Variants in PTER observed in about 807,000 individuals in gnomAD.
The protein encoded by PTER is phosphotriesterase related.
Under a neutral mutation model 29.6 loss-of-function variants are expected in PTER, and 38 were observed. The ratio of observed to expected loss-of-function variants is 1.28; its 90% CI spans 0.99 to 1.68. PTER has a LOEUF of 1.68. Among genes scored for constraint, PTER ranks in the 40% most tolerant of loss-of-function variants. PTER has a pLI of 0.00. For missense variants in PTER, 482 were observed against 427.8 expected, an observed-to-expected ratio of 1.13 and a Z score of -1.12; for synonymous variants, 172 against 154.5, an observed-to-expected ratio of 1.11 and a Z score of -0.84.
chr10:16,485,326 C>T lies in PTER; in HGVS notation c.432+510C>T, dbSNP rs867432237. 9.9e-5 allele frequency among the ~76,000 whole-genome samples: 15 copies of T among 152,180 alleles called. No individual in the cohort carries two copies. The South Asian group carries it at 1.0e-3, about 10-fold the overall frequency. Reference sequence around the variant, plus strand: ...AAAACAGGAGAGGTGGAAGAAAATTCATTCCCCTGTGTTTTGTCATAATAT... The same window carrying T: ...AAAACAGGAGAGGTGGAAGAAAATTTATTCCCCTGTGTTTTGTCATAATAT... On this transcript the variant is annotated intron_variant, in intron 2 of 4. Coordinates refer to ENST00000535784, the MANE Select transcript of PTER (RefSeq NM_001261836.2).
At chr10:16,449,064 G>A (rs1834111240) in intron 1 of PTER, among the ~76,000 whole-genome samples, 2 of 152,326 alleles carry the variant, frequency 1.3e-5, no homozygotes, top group South Asian at 2.1e-4. Flanking sequence ...GTTGAACAGG[G>A]ATGTGGTGGG....
chr10:16,453,650 A>C (rs187957316), intron 1 of PTER, among the ~76,000 whole-genome samples: 2 of 152,336 alleles, frequency 1.3e-5, no homozygotes, highest in Admixed American at 6.5e-5. Flanking sequence ...TAGTAAAGTA[A>C]ATACTGGAAT....
intron 1 of PTER, among the ~76,000 whole-genome samples, chr10:16,442,845 G>A (rs192850782): frequency 4.7e-4 from 71 of 152,170 alleles, no homozygotes; most frequent in African/African-American, 1.6e-3. Context: ...CCAGGCATAC[G>A]TCTGTAAGTC....
chr10:16,506,932 T>A (rs1354250495), intron 4 of PTER, among the ~76,000 whole-genome samples: 1 of 151,872 alleles, frequency 6.6e-6, no homozygotes, highest in African/African-American at 2.4e-5. Context: ...ATGCACACGA[T>A]TTGGTGATTA....
intron 2 of PTER, 124 bp from the exon 3 acceptor site, chr10:16,486,228 A>G (rs1835688206): frequency 2.6e-6 from 3 of 1,148,590 alleles, no homozygotes; most frequent in Non-Finnish European, 3.6e-6. Context: ...ATTAATTGAT[A>G]AATACTGAAT....
chr10:16,458,515 C>G (rs565105850), intron 1 of PTER, among the ~76,000 whole-genome samples: 3 of 152,178 alleles, frequency 2.0e-5, no homozygotes, highest in African/African-American at 7.2e-5. Context: ...CTTAGATGCA[C>G]ATTCATGATG....
intron 1 of PTER, among the ~76,000 whole-genome samples, chr10:16,479,006 G>T (rs1835381273): frequency 6.6e-6 from 1 of 151,862 alleles, no homozygotes; most frequent in South Asian, 2.1e-4. Flanking sequence ...CACTTCCTGG[G>T]TTCGTCACTG....
In PTER at chr10:16,486,531, G is replaced by A. The variant is rs750239888; in HGVS notation, c.612G>A (p.Arg204=). ...GTCCTGTTATTATCCATCCTGGACGGAGCTCCAGGGCACCATTTCAGATTA... is the reference window on the plus strand; with the variant it reads ...GTCCTGTTATTATCCATCCTGGACGAAGCTCCAGGGCACCATTTCAGATTA... ...LGCPVIIHPG[R]SSRAPFQIIR... is the part of the protein sequence containing the mutation. Residue 204 remains arginine, a synonymous_variant, in exon 3 of 5, where the codon CGG becomes CGA. Transcript: ENST00000535784. 3 of 1,613,872 alleles carry A rather than the reference G, an allele frequency of 1.9e-6. No homozygotes were observed. Among genetic ancestry groups the A allele is most frequent in the East Asian group, 2.2e-5 (1 of 44,870 alleles).
intron 3 of PTER, among the ~76,000 whole-genome samples, chr10:16,494,387 C>A (rs1226494381): frequency 6.6e-6 from 1 of 152,090 alleles, no homozygotes; most frequent in African/African-American, 2.4e-5. Flanking sequence ...CTTATGATGT[C>A]ATTAAACATT....
chr10:16,479,192 A>G (rs1248568019), intron 1 of PTER, among the ~76,000 whole-genome samples: 1 of 152,176 alleles, frequency 6.6e-6, no homozygotes, highest in Admixed American at 6.5e-5. Context: ...GTCACAGTTT[A>G]AAGAACTTGC....
At chr10:16,499,592 C>T (rs944163911) in intron 3 of PTER, among the ~76,000 whole-genome samples, 2 of 151,962 alleles carry the variant, frequency 1.3e-5, no homozygotes, top group African/African-American at 4.8e-5. Context: ...CGGGTGTGCA[C>T]CACCCTCACC....
At chr10:16,462,090 A>G (rs917977555) in intron 1 of PTER, among the ~76,000 whole-genome samples, 1 of 151,756 alleles carries the variant, frequency 6.6e-6, no homozygotes, top group African/African-American at 2.4e-5. Flanking sequence ...GGTTCAAGCA[A>G]TTCTCCTGCC....
At chr10:16,463,130 T>C (rs1459643744) in intron 1 of PTER, among the ~76,000 whole-genome samples, 2 of 146,802 alleles carry the variant, frequency 1.4e-5, no homozygotes, top group African/African-American at 2.5e-5. Flanking sequence ...GAGGCGGAGG[T>C]TGCAGTGAGC....
At chr10:16,462,256 G>A (rs1976168) in intron 1 of PTER, among the ~76,000 whole-genome samples, 38,774 of 152,038 alleles carry the variant, frequency 0.26, 5,073 homozygotes, top group Middle Eastern at 0.38. Flanking sequence ...AAAGTGCTGG[G>A]ATTACAGGTG....
At chr10:16,506,267 T>C (rs76648616) in intron 4 of PTER, among the ~76,000 whole-genome samples, 1 of 152,052 alleles carries the variant, frequency 6.6e-6, no homozygotes, top group East Asian at 1.9e-4. Flanking sequence ...GGTGACTCTT[T>C]CAAGAAGCGT....
At chr10:16,459,448 A>AATCAT (rs1242490035) in intron 1 of PTER, among the ~76,000 whole-genome samples, 1 of 152,198 alleles carries the variant, frequency 6.6e-6, no homozygotes, top group Non-Finnish European at 1.5e-5. Context: ...GCCTTTGAGA[A>AATCAT]ATCATAGGGC....
At chr10:16,440,700 G>T (rs1004592630) in intron 1 of PTER, among the ~76,000 whole-genome samples, 1 of 152,204 alleles carries the variant, frequency 6.6e-6, no homozygotes, top group South Asian at 2.1e-4. Context: ...TCCCTCTGCC[G>T]CAGTGACCAT....
intron 3 of PTER, among the ~76,000 whole-genome samples, chr10:16,499,520 C>T (rs931656799): frequency 6.6e-6 from 1 of 151,974 alleles, no homozygotes; most frequent in Non-Finnish European, 1.5e-5. Context: ...TGACTCACTG[C>T]AGCCTCAACT....
chr10:16,471,505 G>A (rs1835055317), intron 1 of PTER, among the ~76,000 whole-genome samples: 1 of 152,156 alleles, frequency 6.6e-6, no homozygotes, highest in Non-Finnish European at 1.5e-5. Context: ...GCTCAAAGAT[G>A]AGCTTCACAT....
Sources: allele counts gnomAD v4.1 joint callset (sites outside exome capture counted in the v4.1 genomes callset), GRCh38; gene constraint gnomAD v4.1.1; transcripts MANE v1.5; gene names NCBI Gene and HGNC (gene_info 2026-07-23, HGNC 2026-07-21).